Variants in ATP8B1 observed in about 807,000 individuals in gnomAD.
ATP8B1 encodes the protein ATPase phospholipid transporting 8B1, also known as phospholipid-transporting ATPase IC.
Under a neutral mutation model 149.9 loss-of-function variants are expected in ATP8B1, and 80 were observed. The ratio of observed to expected loss-of-function variants is 0.53; its 90% CI spans 0.45 to 0.64. The LOEUF (loss-of-function observed/expected upper bound fraction) is 0.64, where lower values mean the gene tolerates loss of function less well. Ranked by LOEUF, ATP8B1 falls within the 30% of genes least tolerant of loss-of-function variation. The probability of loss-of-function intolerance (pLI) is 0.00; values close to 1 mark genes in which losing one functional copy is unlikely to be tolerated. For missense variants in ATP8B1, 1,247 were observed against 1,552.6 expected, an observed-to-expected ratio of 0.80 and a Z score of 3.31; for synonymous variants, 536 against 562.8, an observed-to-expected ratio of 0.95 and a Z score of 0.67.
intron 23 of ATP8B1, 31 bp from the exon 24 acceptor site, chr18:57,654,106 C>T (rs757006927): frequency 1.3e-5 from 20 of 1,556,328 alleles, no homozygotes; most frequent in Non-Finnish European, 1.8e-5. Flanking sequence ...CTCCATGTCA[C>T]CAACAAAGAC....
intron 14 of ATP8B1, among the ~76,000 whole-genome samples, chr18:57,684,696 T>C (rs995087272): frequency 2.0e-5 from 3 of 152,152 alleles, no homozygotes; most frequent in Non-Finnish European, 4.4e-5. Context: ...CCAAAAGATA[T>C]GTTGAAATTC....
rs1046744768 is a variant in ATP8B1, at chr18:57,671,646, A to C, written c.1820-66T>G. 3.5e-6 allele frequency: 4 copies of C among 1,158,214 alleles called. No homozygotes were observed. The East Asian group carries it at 1.0e-4, about 29-fold the overall frequency. The allele number at this position is 1,158,214 out of a possible 1,614,324, so 71.7% of individuals were successfully genotyped here. On this transcript the variant is annotated intron_variant, in intron 16 of 27. Transcript: ENST00000648908. ...TTTTTATATATATATTTTTTGAGAC[A>C]GGGTCTTGCTCTGTTGTCCAGGCTG...
chr18:57,765,815 T>C (rs938090192), intron 1 of ATP8B1, among the ~76,000 whole-genome samples: 4 of 151,200 alleles, frequency 2.6e-5, no homozygotes, highest in Admixed American at 1.3e-4. Context: ...TTACTAAAAA[T>C]ACAAAAATTA....
At chr18:57,651,212 C>T (rs1477146158) in intron 26 of ATP8B1, among the ~76,000 whole-genome samples, 6 of 151,522 alleles carry the variant, frequency 4.0e-5, no homozygotes, top group Non-Finnish European at 1.5e-5. Flanking sequence ...GCTCAGGTGT[C>T]CTCCTACCTT....
Position 57,731,751 on chromosome 18 carries a change from G to A in ATP8B1, c.57C>T (p.Asp19=), listed in dbSNP as rs955634413. The stretch of plus-strand genomic sequence containing the variant: ...CATCATCACTGTAGGGAACCACTTC[G>A]TCATTAGGCTGAGAATCCTCGTCAA... ...TTFDEDSQPN[D]EVVPYSDDET... is the part of the protein sequence containing the mutation. The change falls in exon 2 of 28, where the codon GAC becomes GAT. Residue 19 remains aspartate, a synonymous_variant. Coordinates refer to ENST00000648908, the MANE Select transcript of ATP8B1 (RefSeq NM_001374385.1). The A allele has an allele frequency of 3.1e-6, 5 of 1,613,930 alleles. No individual in the cohort carries two copies. Among genetic ancestry groups the A allele is most frequent in the African/African-American group, 1.3e-5 (1 of 74,876 alleles).
At position 57,803,130 on chromosome 18, in the gene ATP8B1, G is replaced by T. The variant is rs1367321101; in HGVS notation, c.-158C>A. On this transcript the variant is annotated 5_prime_UTR_variant, in exon 1 of 28. Transcript: ENST00000648908. ...GCCGCGCTAGCGCTGCATGGCGCAC[G>T]GGGGCTGGCCGGGGGCCCGGGGAAG... is the stretch of plus-strand genomic sequence containing the variant. The T allele has an allele frequency of 1.3e-5, 2 of 151,996 alleles. No homozygotes were observed. The highest frequency in any genetic ancestry group is 2.9e-5 in the Non-Finnish European group (2 of 68,060). 9.4% of individuals were successfully genotyped at this position (151,996 alleles called of 1,614,324 possible).
chr18:57,688,327 T>C lies in ATP8B1; in HGVS notation c.1401A>G (p.Lys467=). 1.2e-6 allele frequency: 2 copies of C among 1,614,134 alleles called. No individual in the cohort carries two copies. ...GTLTQNIMTF[K]KCCINGQIYG... is the part of the protein sequence containing the mutation. ...ATATCTGCCCGTTGATACAGCACTT[T>C]TTAAAGGTCATGATATTTTGTGTGA... is the stretch of plus-strand genomic sequence containing the variant. Residue 467 remains lysine, a synonymous_variant, in exon 13 of 28, where the codon AAA becomes AAG. Coordinates refer to ENST00000648908, the MANE Select transcript of ATP8B1 (RefSeq NM_001374385.1).
chr18:57,744,673 G>A (rs930964079), intron 1 of ATP8B1, among the ~76,000 whole-genome samples: 1 of 152,194 alleles, frequency 6.6e-6, no homozygotes, highest in Non-Finnish European at 1.5e-5. Context: ...TTATATTCAT[G>A]TTTAAATAAT....
chr18:57,713,151 A>ATCTTTCTCTT (rs1329262275), intron 2 of ATP8B1, among the ~76,000 whole-genome samples: 2 of 136,064 alleles, frequency 1.5e-5, no homozygotes, highest in African/African-American at 2.8e-5. Flanking sequence ...CTTGCTCTTG[A>ATCTTTCTCTT]TCTTTCTCTT....
intron 4 of ATP8B1, among the ~76,000 whole-genome samples, chr18:57,703,291 C>T (rs1332981078): frequency 3.3e-5 from 5 of 152,062 alleles, no homozygotes; most frequent in East Asian, 1.9e-4. Context: ...GATAAAGTGC[C>T]GGGCGCAGTG....
At chr18:57,666,348 G>A (rs1424222408) in intron 20 of ATP8B1, among the ~76,000 whole-genome samples, 1 of 151,550 alleles carries the variant, frequency 6.6e-6, no homozygotes, top group African/African-American at 2.4e-5. Flanking sequence ...AGATTACAGG[G>A]GACCTACATG....
At chr18:57,725,676 A>T (rs2079699252) in intron 2 of ATP8B1, among the ~76,000 whole-genome samples, 1 of 152,214 alleles carries the variant, frequency 6.6e-6, no homozygotes, top group African/African-American at 2.4e-5. Context: ...TTGGCATAAA[A>T]ACAGACACAC....
chr18:57,733,981 A>G (rs533522787), intron 1 of ATP8B1: 1 of 152,196 alleles, frequency 6.6e-6, no homozygotes, highest in Non-Finnish European at 1.5e-5. Context: ...AAGCTGGGTT[A>G]CAATTGTCGA....
chr18:57,648,438 T>G lies in ATP8B1; in HGVS notation c.*50A>C. On this transcript the variant is annotated 3_prime_UTR_variant, in exon 28 of 28. Coordinates refer to ENST00000648908, the MANE Select transcript of ATP8B1 (RefSeq NM_001374385.1). ...CACACAAAGTCCTGAGAGTCTTTCA[T>G]AAAAAAATAGACGTGCTTTGTGGCC... 6.3e-7 allele frequency: 1 copy of G among 1,592,646 alleles called. No individual in the cohort carries two copies. Among genetic ancestry groups the G allele is most frequent in the South Asian group, 1.1e-5 (1 of 90,648 alleles).
At chr18:57,674,622 G>A (rs891561873) in intron 16 of ATP8B1, among the ~76,000 whole-genome samples, 7 of 151,922 alleles carry the variant, frequency 4.6e-5, no homozygotes, top group Admixed American at 1.3e-4. Flanking sequence ...TCCTGACCTC[G>A]TGATCCACCC....
At chr18:57,796,898 G>T (rs2123469181) in intron 1 of ATP8B1, among the ~76,000 whole-genome samples, 1 of 152,286 alleles carries the variant, frequency 6.6e-6, no homozygotes, top group East Asian at 1.9e-4. Flanking sequence ...TGATCTGCCT[G>T]CCTTGTCTTC....
intron 2 of ATP8B1, among the ~76,000 whole-genome samples, chr18:57,724,408 AAAAC>A (rs201554950): frequency 0.18 from 26,722 of 145,558 alleles, 2,490 homozygotes; most frequent in East Asian, 0.48. Context: ...TTACAAGAAA[AAAAC>A]AAACAACCCC....
In ATP8B1 at chr18:57,655,337, G is replaced by A. The variant is rs140407614; in HGVS notation, c.2788C>T (p.Arg930Ter). 16 of 1,614,022 alleles carry A rather than the reference G, an allele frequency of 9.9e-6. No homozygotes were observed. Among genetic ancestry groups the A allele is most frequent in the East Asian group, 2.2e-5 (1 of 44,898 alleles). Residue 930 changes from arginine (R) to a stop codon, truncating the protein, a stop_gained, in exon 23 of 28, where the codon CGA becomes TGA. Transcript: ENST00000648908. LOFTEE classifies it high-confidence loss of function. ...ACCAGCAGTAGCCTCTGCAGATATC[G>A]GAACTGAGCAAAGGAATAGTCACTC... ...MSSDYSFAQF[R>*]YLQRLLLVHG...
intron 17 of ATP8B1, among the ~76,000 whole-genome samples, chr18:57,670,337 T>C (rs192392524): frequency 5.9e-5 from 9 of 151,542 alleles, no homozygotes; most frequent in African/African-American, 2.2e-4. Flanking sequence ...CATTTTCTTT[T>C]TTTTTCTTTT....
Sources: allele counts gnomAD v4.1 joint callset (sites outside exome capture counted in the v4.1 genomes callset), GRCh38; gene constraint gnomAD v4.1.1; transcripts MANE v1.5; gene names NCBI Gene and HGNC (gene_info 2026-07-23, HGNC 2026-07-21).